Variants in KIAA0232 observed in about 807,000 individuals in gnomAD.
KIAA0232 encodes the protein uncharacterized protein KIAA0232.
KIAA0232 carries 27 observed loss-of-function variants against 122.0 expected under a neutral mutation model. The ratio of observed to expected loss-of-function variants is 0.22; its 90% confidence interval spans 0.16 to 0.31. The LOEUF (loss-of-function observed/expected upper bound fraction) is 0.31, where lower values mean the gene tolerates loss of function less well. Among genes scored for constraint, KIAA0232 ranks in the 10% least tolerant of loss-of-function variants. The probability of loss-of-function intolerance (pLI) is 1.00; values close to 1 mark genes in which losing one functional copy is unlikely to be tolerated. For missense variants in KIAA0232, 1,551 were observed against 1,634.2 expected, an observed-to-expected ratio of 0.95 and a Z score of 0.88; for synonymous variants, 613 against 587.6, an observed-to-expected ratio of 1.04 and a Z score of -0.63.
intron 9 of KIAA0232, among the ~76,000 whole-genome samples, chr4:6,878,596 A>G (rs543876896): frequency 6.6e-6 from 1 of 152,250 alleles, no homozygotes; most frequent in Admixed American, 6.5e-5. Flanking sequence ...ATTGATGACT[A>G]CCTTCTTCTA....
At chr4:6,864,737 C>CAAAAAA (rs59573520) in intron 7 of KIAA0232, among the ~76,000 whole-genome samples, 25 of 70,144 alleles carry the variant, frequency 3.6e-4, no homozygotes, top group Non-Finnish European at 4.1e-4. Flanking sequence ...GACTCCATCT[C>CAAAAAA]AAAAAAAAAA....
intron 3 of KIAA0232, among the ~76,000 whole-genome samples, chr4:6,830,958 A>G (rs1467308336): frequency 6.6e-6 from 1 of 152,204 alleles, no homozygotes; most frequent in African/African-American, 2.4e-5. Flanking sequence ...ATGAGTAAGT[A>G]GGGTGCTGAA....
chr4:6,879,043 G>A (rs17797270), intron 9 of KIAA0232, among the ~76,000 whole-genome samples: 40,693 of 151,834 alleles, frequency 0.27, 5,809 homozygotes, highest in Middle Eastern at 0.33. Flanking sequence ...AGTCCTGACC[G>A]TTCCCCGCTG....
chr4:6,844,729 C>G (rs1037794646), intron 4 of KIAA0232, among the ~76,000 whole-genome samples: 2 of 152,172 alleles, frequency 1.3e-5, no homozygotes, highest in Non-Finnish European at 2.9e-5. Flanking sequence ...AGCCACCGTG[C>G]CTGGCCAGCT....
intron 2 of KIAA0232, among the ~76,000 whole-genome samples, chr4:6,819,886 T>C (rs1034295675): frequency 6.6e-6 from 1 of 152,102 alleles, no homozygotes; most frequent in Non-Finnish European, 1.5e-5. Flanking sequence ...TAAAATGTGG[T>C]ACATATATAC....
intron 3 of KIAA0232, among the ~76,000 whole-genome samples, chr4:6,825,432 C>G (rs1385113857): frequency 6.6e-6 from 1 of 152,036 alleles, no homozygotes; most frequent in African/African-American, 2.4e-5. Flanking sequence ...TGCCTGTAGT[C>G]AGTCCGTAGC....
At position 6,863,116 on chromosome 4, in the gene KIAA0232, A is replaced by G. The variant is rs1451963261; in HGVS notation, c.2734A>G (p.Thr912Ala). ...ELSNVDGGDY[T>A]TPSKPWDVAQ... is the part of the protein sequence containing the mutation. ...ATCAAACGTGGATGGTGGTGATTATACAACACCCTCTAAACCCTGGGATGT... is the reference window on the plus strand; with the variant it reads ...ATCAAACGTGGATGGTGGTGATTATGCAACACCCTCTAAACCCTGGGATGT... The change falls in exon 7 of 10, where the codon ACA (threonine) becomes GCA (alanine). Residue 912 changes from threonine (T) to alanine (A), a missense_variant. This residue lies in a region of KIAA0232 where 1,108 missense variants were observed against 1,154.8 expected (regional missense o/e 0.96). Transcript: ENST00000307659. 3 of 1,614,090 alleles carry G rather than the reference A, an allele frequency of 1.9e-6. No individual in the cohort carries two copies. Among genetic ancestry groups the G allele is most frequent in the Non-Finnish European group, 2.5e-6 (3 of 1,180,022 alleles).
At chr4:6,860,397 T>A (rs1229832043) in intron 6 of KIAA0232, among the ~76,000 whole-genome samples, 1 of 152,192 alleles carries the variant, frequency 6.6e-6, no homozygotes, top group African/African-American at 2.4e-5. Flanking sequence ...TCTTGACTGA[T>A]TGCTACCGAG....
Position 6,864,178 on chromosome 4 carries a change from G to A in KIAA0232, c.3796G>A (p.Glu1266Lys). 3 of 1,609,304 alleles carry A rather than the reference G, an allele frequency of 1.9e-6. No individual in the cohort carries two copies. Among genetic ancestry groups the A allele is most frequent in the Non-Finnish European group, 2.5e-6 (3 of 1,177,258 alleles). The change falls in exon 7 of 10, where the codon GAA (glutamate) becomes AAA (lysine). Residue 1266 changes from glutamate (E) to lysine (K), a missense_variant. Glu to Lys is a moderately conservative substitution (Grantham distance 56). Coordinates refer to ENST00000307659, the MANE Select transcript of KIAA0232 (RefSeq NM_014743.3). ...TAATCCAGTTTCTTCGGGACAGCTG[G>A]AAGAGGTATGTGTCTGCGTGTTGGT... ...EDNPVSSGQL[E>K]EFPVLNTDIQ... is the part of the protein sequence containing the mutation.
Position 6,863,411 on chromosome 4 carries a change from A to G in KIAA0232, c.3029A>G (p.Asn1010Ser), listed in dbSNP as rs750776752. The part of the protein sequence containing the change: ...DQPKSGENGL[N>S]KGFSFIFHED... The stretch of plus-strand genomic sequence containing the variant: ...CCGAAGAGTGGGGAAAATGGGTTAA[A>G]TAAGGGATTTTCTTTTATCTTCCAT... Residue 1010 changes from asparagine (N) to serine (S), a missense_variant, in exon 7 of 10, where the codon AAT (asparagine) becomes AGT (serine). Transcript: ENST00000307659. 8.1e-6 allele frequency: 13 copies of G among 1,614,026 alleles called. No individual in the cohort carries two copies. Among genetic ancestry groups the G allele is most frequent in the South Asian group, 1.1e-5 (1 of 91,070 alleles).
intron 1 of KIAA0232, among the ~76,000 whole-genome samples, chr4:6,791,952 C>T (rs754435595): frequency 3.9e-5 from 6 of 152,132 alleles, no homozygotes; most frequent in Non-Finnish European, 7.3e-5. Flanking sequence ...GTGAATACGT[C>T]TCATGAGATT....
intron 6 of KIAA0232, among the ~76,000 whole-genome samples, chr4:6,858,776 C>T (rs973647971): frequency 6.6e-6 from 1 of 152,088 alleles, no homozygotes; most frequent in African/African-American, 2.4e-5. Context: ...GTACTATTAC[C>T]TTTAATATTC....
intron 2 of KIAA0232, among the ~76,000 whole-genome samples, chr4:6,816,026 AAAAC>A (rs1718106535): frequency 6.6e-6 from 1 of 152,212 alleles, no homozygotes; most frequent in African/African-American, 2.4e-5. Context: ...TAATAAAACT[AAAAC>A]AATATATCAG....
chr4:6,829,841 CAGT>C (rs113114156), intron 3 of KIAA0232, among the ~76,000 whole-genome samples: 6,695 of 152,254 alleles, frequency 0.044, 477 homozygotes, highest in African/African-American at 0.15. Context: ...TGATAGTTGA[CAGT>C]AGGTCTCCCC....
chr4:6,796,923 G>A (rs988842246), intron 1 of KIAA0232, among the ~76,000 whole-genome samples: 1 of 152,152 alleles, frequency 6.6e-6, no homozygotes, highest in African/African-American at 2.4e-5. Flanking sequence ...GCATCCTTTG[G>A]CACTGCCTTC....
intron 9 of KIAA0232, among the ~76,000 whole-genome samples, chr4:6,878,976 A>G (rs959292497): frequency 2.0e-5 from 3 of 152,094 alleles, no homozygotes; most frequent in Non-Finnish European, 4.4e-5. Flanking sequence ...CTCAAACCCC[A>G]AACTGAGACA....
intron 1 of KIAA0232, among the ~76,000 whole-genome samples, chr4:6,803,093 A>C (rs1717461734): frequency 6.7e-6 from 1 of 148,378 alleles, no homozygotes; most frequent in Admixed American, 6.8e-5. Flanking sequence ...AGGTGGGAGG[A>C]TCACTTGAGC....
intron 1 of KIAA0232, among the ~76,000 whole-genome samples, chr4:6,791,607 G>A (rs1224438776): frequency 1.3e-5 from 2 of 152,058 alleles, no homozygotes; most frequent in East Asian, 3.9e-4. Context: ...GGGATTACAG[G>A]CGTAAACCAC....
At chr4:6,859,013 T>A (rs6814754) in intron 6 of KIAA0232, among the ~76,000 whole-genome samples, 1 of 150,972 alleles carries the variant, frequency 6.6e-6, no homozygotes, top group South Asian at 2.1e-4. Flanking sequence ...CAGGAGAATT[T>A]CTGGAACCCG....
Sources: allele counts gnomAD v4.1 joint callset (sites outside exome capture counted in the v4.1 genomes callset), GRCh38; gene constraint gnomAD v4.1.1; regional missense constraint gnomAD v4.1.1; transcripts MANE v1.5; gene names NCBI Gene and HGNC (gene_info 2026-07-23, HGNC 2026-07-21).